CPAMD8: variants seen among roughly 807,000 people sequenced by gnomAD.
CPAMD8 encodes C3 and PZP like alpha-2-macroglobulin domain containing 8.
CPAMD8 carries 146 observed loss-of-function variants against 224.7 expected under a neutral mutation model. The ratio of observed to expected loss-of-function variants is 0.65; its 90% CI spans 0.57 to 0.75. The LOEUF (loss-of-function observed/expected upper bound fraction) is 0.75, where lower values mean the gene tolerates loss of function less well. Ranked by LOEUF, CPAMD8 falls within the 30% of genes least tolerant of loss-of-function variation. CPAMD8 has a pLI of 0.00. For synonymous variants in CPAMD8, 966 were observed against 1,044.6 expected (o/e 0.92, Z 1.45); for missense variants, 2,301 against 2,537.5 (o/e 0.91, Z 2.00).
intron 1 of CPAMD8, among the ~76,000 whole-genome samples, chr19:17,025,984 C>G (rs951679342): frequency 6.6e-6 from 1 of 152,116 alleles, no homozygotes; most frequent in Non-Finnish European, 1.5e-5. Context: ...CAGGGCAGCC[C>G]CCCTGAACCC....
At chr19:16,950,022 G>T (rs1439535369) in intron 20 of CPAMD8, among the ~76,000 whole-genome samples, 1 of 152,198 alleles carries the variant, frequency 6.6e-6, no homozygotes, top group Non-Finnish European at 1.5e-5. Context: ...AGGTGGCCAG[G>T]CGTGGTGGCT....
chr19:16,908,843 G>T (rs959660149), intron 29 of CPAMD8, among the ~76,000 whole-genome samples: 1 of 152,160 alleles, frequency 6.6e-6, no homozygotes, highest in Admixed American at 6.6e-5. Flanking sequence ...CAAGTCCATT[G>T]CCTGGGGGTG....
chr19:16,920,675 G>A (rs2053138289), intron 27 of CPAMD8, among the ~76,000 whole-genome samples: 1 of 151,898 alleles, frequency 6.6e-6, no homozygotes, highest in Non-Finnish European at 1.5e-5. Flanking sequence ...GGCCAACATG[G>A]TGAAACCCCG....
chr19:16,930,593 G>C (rs2144975168), intron 23 of CPAMD8, among the ~76,000 whole-genome samples: 1 of 152,288 alleles, frequency 6.6e-6, no homozygotes, highest in South Asian at 2.1e-4. Flanking sequence ...TAGCTCCCCA[G>C]TGTGAGGAAA....
chr19:17,025,870 A>T (rs1408952088), intron 1 of CPAMD8, among the ~76,000 whole-genome samples: 1 of 152,158 alleles, frequency 6.6e-6, no homozygotes, highest in Non-Finnish European at 1.5e-5. Flanking sequence ...ACACCCACCT[A>T]GTCTCACTGC....
At chr19:17,017,929 A>T (rs2056854227) in intron 3 of CPAMD8, among the ~76,000 whole-genome samples, 1 of 151,850 alleles carries the variant, frequency 6.6e-6, no homozygotes, top group South Asian at 2.1e-4. Context: ...GCTACTGGGG[A>T]GGCTGAGGCA....
intron 23 of CPAMD8, among the ~76,000 whole-genome samples, chr19:16,930,623 G>T (rs2053519564): frequency 6.6e-6 from 1 of 152,080 alleles, no homozygotes; most frequent in African/African-American, 2.4e-5. Flanking sequence ...AACCCCCGTG[G>T]TCCCCATTCC....
chr19:16,895,901 A>ACG (rs748743594), intron 41 of CPAMD8: 8,902 of 545,338 alleles, frequency 0.016, 307 homozygotes, highest in African/African-American at 0.12. Context: ...GCGCGCGCGC[A>ACG]CGCACACACA....
chr19:16,932,167 C>T (rs970832414), intron 23 of CPAMD8, among the ~76,000 whole-genome samples: 4 of 152,268 alleles, frequency 2.6e-5, no homozygotes, highest in African/African-American at 9.6e-5. Flanking sequence ...TGGTGGCTCA[C>T]ACCTCTAATT....
At chr19:16,929,781 C>T (rs1014487723) in intron 23 of CPAMD8, among the ~76,000 whole-genome samples, 3 of 152,092 alleles carry the variant, frequency 2.0e-5, no homozygotes, top group Non-Finnish European at 4.4e-5. Context: ...TTGAAAATTG[C>T]AAAAGGCTGA....
At chr19:16,933,266 G>A (rs1469055072) in intron 23 of CPAMD8, among the ~76,000 whole-genome samples, 2 of 151,696 alleles carry the variant, frequency 1.3e-5, no homozygotes, top group Admixed American at 6.6e-5. Context: ...AAAAAACAGG[G>A]TTTAGCAAAG....
chr19:16,980,366 T>C, intron 14 of CPAMD8, 131 bp downstream of exon 14: 1 of 754,696 alleles, frequency 1.3e-6, no homozygotes, highest in Non-Finnish European at 2.1e-6. Flanking sequence ...GTTAAGGATG[T>C]GTCCCCTCTG....
Position 16,971,049 on chromosome 19 carries a change from C to T in CPAMD8, c.2071-16G>A, listed in dbSNP as rs2055046631. 1 of 1,583,494 alleles carries T rather than the reference C, an allele frequency of 6.3e-7. No homozygotes were observed. Among genetic ancestry groups the T allele is most frequent in the Non-Finnish European group, 8.6e-7 (1 of 1,164,084 alleles). On this transcript the variant is annotated splice_polypyrimidine_tract_variant and intron_variant, in intron 17 of 41. Transcript: ENST00000443236. ...GTCCCGTTTCCTAGGCAACAGACAA[C>T]ACCCAAACCATTGGTGGGGAAGTGG... is the stretch of plus-strand genomic sequence containing the variant.
chr19:17,024,603 G>C (rs538854060), intron 1 of CPAMD8, among the ~76,000 whole-genome samples: 1 of 152,170 alleles, frequency 6.6e-6, no homozygotes, highest in Non-Finnish European at 1.5e-5. Context: ...CTGACAATAC[G>C]GGTTCAAGTC....
At chr19:16,907,588 C>CAG (rs1306638998) in intron 29 of CPAMD8, 1 of 136,964 alleles carries the variant, frequency 7.3e-6, no homozygotes, top group Non-Finnish European at 1.5e-5. Context: ...AGCCTGGCAA[C>CAG]AGAGTGAGGC....
At chr19:17,002,208 G>T in intron 9 of CPAMD8, 58 bp downstream of exon 9, 1 of 1,136,960 alleles carries the variant, frequency 8.8e-7, no homozygotes, top group Non-Finnish European at 1.3e-6. Context: ...GGAGCAGCGT[G>T]ATGGTTGGGG....
At chr19:16,962,800 G>A (rs1333218015) in intron 18 of CPAMD8, among the ~76,000 whole-genome samples, 3 of 146,324 alleles carry the variant, frequency 2.1e-5, no homozygotes, top group Non-Finnish European at 4.6e-5. Context: ...GAGAAAGGTC[G>A]GGTTAACCAC....
intron 29 of CPAMD8, among the ~76,000 whole-genome samples, chr19:16,909,523 A>G (rs2052645031): frequency 6.6e-6 from 1 of 152,096 alleles, no homozygotes; most frequent in Non-Finnish European, 1.5e-5. Flanking sequence ...CAGCCTGGGC[A>G]ACAGAGCGAG....
intron 3 of CPAMD8, chr19:17,013,512 A>AAAAATAAGAT (rs145825852): frequency 7.7e-6 from 1 of 129,458 alleles, no homozygotes; most frequent in Non-Finnish European, 1.6e-5. Context: ...CTCCGCCTCA[A>AAAAATAAGAT]AAAATAAAAT....
Sources: allele counts gnomAD v4.1 joint callset (sites outside exome capture counted in the v4.1 genomes callset), GRCh38; gene constraint gnomAD v4.1.1; transcripts MANE v1.5; gene names NCBI Gene and HGNC (gene_info 2026-07-23, HGNC 2026-07-21).